The following MYH15 variants were observed in gnomAD, a reference collection of about 807,000 sequenced individuals.
The protein encoded by MYH15 is myosin heavy chain 15, also known as myosin-15.
Under a neutral mutation model 240.5 loss-of-function variants are expected in MYH15, and 227 were observed. The ratio of observed to expected loss-of-function variants is 0.94; its 90% CI spans 0.85 to 1.05. The LOEUF is 1.05. Among genes scored for constraint, MYH15 ranks in the 50% least tolerant of loss-of-function variants. The pLI, the probability that MYH15 is intolerant of heterozygous loss-of-function variation, is 0.00. For missense variants in MYH15, 2,217 were observed against 2,247.5 expected, an observed-to-expected ratio of 0.99 and a Z score of 0.27; for synonymous variants, 785 against 796.7, an observed-to-expected ratio of 0.99 and a Z score of 0.25.
At chr3:108,544,166 T>C in the MYH15 span, among the ~76,000 whole-genome samples, 2 of 152,226 alleles carry the variant, frequency 1.3e-5, no homozygotes, top group African/African-American at 4.8e-5. Context: ...GTTCTTTGCA[T>C]GTTAAAACAG....
At chr3:108,538,453 A>C in the MYH15 span, among the ~76,000 whole-genome samples, 1 of 152,216 alleles carries the variant, frequency 6.6e-6, no homozygotes, top group Non-Finnish European at 1.5e-5. Context: ...CTAAGAAGTA[A>C]ACCTCTTTAA....
chr3:108,389,858 C>T (rs2082411117), intron 37 of MYH15, among the ~76,000 whole-genome samples: 1 of 152,142 alleles, frequency 6.6e-6, no homozygotes, highest in African/African-American at 2.4e-5. Context: ...CCAATGCCAC[C>T]TTCTCCAAGG....
intron 12 of MYH15, among the ~76,000 whole-genome samples, chr3:108,472,617 C>T (rs2083186470): frequency 6.6e-6 from 1 of 152,176 alleles, no homozygotes; most frequent in Non-Finnish European, 1.5e-5. Flanking sequence ...TTAAAAAGAA[C>T]ATGACTAACT....
intron 21 of MYH15, among the ~76,000 whole-genome samples, chr3:108,451,605 AAGACC>A (rs1478809442): frequency 6.6e-6 from 1 of 152,180 alleles, no homozygotes; most frequent in Non-Finnish European, 1.5e-5. Flanking sequence ...CAAAGATTCA[AAGACC>A]AGTTATAAAC....
At chr3:108,388,903 C>T (rs947164030) in intron 38 of MYH15, 67 bp downstream of exon 38, 3 of 1,412,678 alleles carry the variant, frequency 2.1e-6, no homozygotes, top group Admixed American at 3.7e-5. Flanking sequence ...CCATTTCAGG[C>T]TTGAAGGAGT....
intron 31 of MYH15, among the ~76,000 whole-genome samples, chr3:108,408,823 A>G (rs2082565958): frequency 6.6e-6 from 1 of 152,222 alleles, no homozygotes; most frequent in African/African-American, 2.4e-5. Context: ...TGCGACAGGA[A>G]CTTAAAGTAA....
At chr3:108,483,896 A>G (rs944753989) in intron 11 of MYH15, among the ~76,000 whole-genome samples, 2 of 152,176 alleles carry the variant, frequency 1.3e-5, no homozygotes, top group Non-Finnish European at 2.9e-5. Flanking sequence ...CAGAAGGTAA[A>G]ACAGTGGTTA....
intron 10 of MYH15, among the ~76,000 whole-genome samples, chr3:108,485,490 C>G (rs2083298795): frequency 6.6e-6 from 1 of 152,230 alleles, no homozygotes. Flanking sequence ...CCCTGCCTCT[C>G]TCTTGTTCCT....
At chr3:108,545,333 A>G in the MYH15 span, among the ~76,000 whole-genome samples, 1 of 152,066 alleles carries the variant, frequency 6.6e-6, no homozygotes, top group African/African-American at 2.4e-5. Flanking sequence ...TACTTTCTCA[A>G]TTGGCCAAAG....
At chr3:108,523,528 AATAAC>A (rs547247729) in intron 1 of MYH15, among the ~76,000 whole-genome samples, 1 of 152,106 alleles carries the variant, frequency 6.6e-6, no homozygotes, top group South Asian at 2.1e-4. Context: ...TACATATATA[AATAAC>A]ATATAATTAA....
chr3:108,417,807 AC>A (rs2082646812), intron 28 of MYH15, among the ~76,000 whole-genome samples: 1 of 151,526 alleles, frequency 6.6e-6, no homozygotes, highest in Non-Finnish European at 1.5e-5. Context: ...ACACACACAC[AC>A]ACACACACAC....
chr3:108,390,835 G>A (rs1224074053), intron 37 of MYH15, among the ~76,000 whole-genome samples: 2 of 152,058 alleles, frequency 1.3e-5, no homozygotes, highest in Admixed American at 1.3e-4. Flanking sequence ...TGATTTATAT[G>A]ATTTTCCAAT....
chr3:108,470,767 G>C lies in MYH15; in HGVS notation c.1314C>G (p.Ala438=), dbSNP rs1385652787. ...FKWLVARINR[A]LDAKLSRQFF... The stretch of plus-strand genomic sequence containing the variant: ...ACTGCCTTGACAGCTTGGCATCCAG[G>C]GCCCTGTTGATCCGTGCCACTAGCC... Residue 438 remains alanine, a synonymous_variant, in exon 13 of 41, where the codon GCC becomes GCG. Coordinates refer to ENST00000693548, the MANE Select transcript of MYH15 (RefSeq NM_014981.3). 6.2e-7 allele frequency: 1 copy of C among 1,613,568 alleles called. No homozygotes were observed. Among genetic ancestry groups the C allele is most frequent in the African/African-American group, 1.3e-5 (1 of 74,836 alleles).
chr3:108,404,422 T>G (rs1290998701), intron 33 of MYH15, among the ~76,000 whole-genome samples: 1 of 152,218 alleles, frequency 6.6e-6, no homozygotes, highest in Non-Finnish European at 1.5e-5. Flanking sequence ...GGCATTGACT[T>G]AAGGGAACAG....
At chr3:108,532,775 T>C (rs1056332684), upstream of MYH15, among the ~76,000 whole-genome samples, 1 of 152,170 alleles carries the variant, frequency 6.6e-6, no homozygotes, top group Non-Finnish European at 1.5e-5. Context: ...GAACCCTTGT[T>C]GTTTAAGAGA....
At chr3:108,398,602 T>C (rs764715714) in intron 35 of MYH15, 35 bp downstream of exon 35, 1 of 1,605,506 alleles carries the variant, frequency 6.2e-7, no homozygotes, top group Non-Finnish European at 8.5e-7. Context: ...TTCAACCAAC[T>C]GGCCCAGCTA....
intron 17 of MYH15, among the ~76,000 whole-genome samples, chr3:108,460,042 C>T (rs2083057768): frequency 6.6e-6 from 1 of 152,048 alleles, no homozygotes; most frequent in South Asian, 2.1e-4. Context: ...TGGCTAAGTG[C>T]AATTCTGACA....
chr3:108,453,789 G>A (rs987281474), intron 21 of MYH15, among the ~76,000 whole-genome samples: 8 of 152,204 alleles, frequency 5.3e-5, no homozygotes, highest in African/African-American at 1.9e-4. Context: ...CTGAAAGCAT[G>A]ACAAGAAATA....
the MYH15 span, among the ~76,000 whole-genome samples, chr3:108,535,410 G>A: frequency 6.6e-6 from 1 of 152,104 alleles, no homozygotes; most frequent in Non-Finnish European, 1.5e-5. Flanking sequence ...GGGGGGCATA[G>A]GTCTCTCTTG....
Sources: allele counts gnomAD v4.1 joint callset (sites outside exome capture counted in the v4.1 genomes callset), GRCh38; gene constraint gnomAD v4.1.1; transcripts MANE v1.5; gene names NCBI Gene and HGNC (gene_info 2026-07-23, HGNC 2026-07-21).